TNS2: variants seen among roughly 807,000 people sequenced by gnomAD.
TNS2 encodes the protein tensin-2.
In TNS2, 77 loss-of-function variants were observed where a neutral mutation model predicts 155.7. The ratio of observed to expected loss-of-function variants is 0.49; its 90% confidence interval spans 0.41 to 0.60. The LOEUF is 0.60. Ranked by LOEUF, TNS2 falls within the 20% of genes least tolerant of loss-of-function variation. TNS2 has a pLI of 0.00. For missense variants in TNS2, 1,703 were observed against 1,868.8 expected (o/e 0.91, Z 1.64); for synonymous variants, 726 against 763.9 (o/e 0.95, Z 0.82).
chr12:53,054,094 A>G, intron 6 of TNS2, 80 bp downstream of exon 6: 1 of 1,600,082 alleles, frequency 6.2e-7, no homozygotes, highest in Non-Finnish European at 8.6e-7. Flanking sequence ...CTGCCCCGCA[A>G]CAGAGCTCCC....
Position 53,062,417 on chromosome 12 carries a change from A to G in TNS2, c.3709A>G (p.Ile1237Val). The G allele has an allele frequency of 2.5e-6, 4 of 1,613,844 alleles. No individual in the cohort carries two copies. Among genetic ancestry groups the G allele is most frequent in the Non-Finnish European group, 3.4e-6 (4 of 1,179,918 alleles). The change falls in exon 24 of 29, where the codon ATC becomes GTC. Residue 1237 changes from isoleucine to valine, a missense_variant. By Grantham distance (29) the Ile-to-Val change is conservative. Transcript: ENST00000314250. Reference protein sequence around the residue: ...ALVSQHSISPISLPCCLRIPS... With the variant: ...ALVSQHSISPVSLPCCLRIPS... ...GGTCTCCCAGCACTCCATCTCCCCC[A>G]TCTCCCTGCCCTGCTGCCTGCGCAT...
chr12:53,061,093 T>C lies in TNS2; in HGVS notation c.3187T>C (p.Tyr1063His). ...PTPAFPLAASYDTNGLSQPPL... is the reference protein window; with the variant it reads ...PTPAFPLAASHDTNGLSQPPL... ...ACCTGCTTTCCCCCTGGCTGCCTCC[T>C]ATGACACCAATGGCCTTAGCCAGCC... The change falls in exon 20 of 29, where the codon TAT (tyrosine) becomes CAT (histidine). Residue 1063 changes from tyrosine to histidine, a missense_variant. Transcript: ENST00000314250. 1 of 1,611,822 alleles carries C rather than the reference T, an allele frequency of 6.2e-7. No homozygotes were observed.
At position 53,058,922 on chromosome 12, in the gene TNS2, G is replaced by A. The variant is rs1944266279; in HGVS notation, c.1405+95G>A. The stretch of plus-strand genomic sequence containing the variant: ...AAGCACACTCCCTCCTCCCCAGGCA[G>A]AGCCCACTCCCGAGAGACACCCCCG... On this transcript the variant is annotated intron_variant, in intron 17 of 28. Coordinates refer to ENST00000314250, the MANE Select transcript of TNS2 (RefSeq NM_170754.4). 9.6e-6 allele frequency: 15 copies of A among 1,566,890 alleles called. No homozygotes were observed. The South Asian group carries it at 1.2e-4, about 13-fold the overall frequency.
At position 53,059,104 on chromosome 12, in the gene TNS2, G is replaced by A. The variant is rs138932983; in HGVS notation, c.1463G>A (p.Arg488Gln). The change falls in exon 18 of 29, where the codon CGG becomes CAG. Residue 488 changes from arginine (R) to glutamine (Q), a missense_variant. Physicochemically the swap from Arg to Gln is conservative, Grantham distance 43. Transcript: ENST00000314250. The surrounding 1 kb of genome is among the most constrained non-coding windows in gnomAD (Gnocchi z 4.7). The stretch of plus-strand genomic sequence containing the variant: ...GGCAGTCCTTATGCCCAGGTGCAGC[G>A]GCCTCCCCGGCAGACCCCCCCGGCA... ...LDGSPYAQVQ[R>Q]PPRQTPPAPS... 254 of 1,548,482 alleles carry A rather than the reference G, an allele frequency of 1.6e-4. No individual in the cohort carries two copies. In the Admixed American group the frequency reaches 2.2e-3, roughly 14 times the overall value.
rs943447535 is a variant in TNS2 at position 53,061,077 on chromosome 12, C to T, written c.3171C>T (p.Phe1057=). 4.3e-6 allele frequency: 7 copies of T among 1,612,022 alleles called. No homozygotes were observed. Among genetic ancestry groups the T allele is most frequent in the Non-Finnish European group, 5.9e-6 (7 of 1,179,140 alleles). ...EPPQSSPTPA[F]PLAASYDTNG... ...CTCAGAGCTCACCTACACCTGCTTT[C>T]CCCCTGGCTGCCTCCTATGACACCA... Residue 1057 remains phenylalanine (F), a synonymous_variant, in exon 20 of 29, where the codon TTC becomes TTT. Coordinates refer to ENST00000314250, the MANE Select transcript of TNS2 (RefSeq NM_170754.4).
At chr12:53,056,443 CTG>C (rs1339121526) in intron 10 of TNS2, 1 of 153,910 alleles carries the variant, frequency 6.5e-6, no homozygotes, top group African/African-American at 2.4e-5. Context: ...CCAAACCAAG[CTG>C]TCAGCAGGCC....
intron 10 of TNS2, among the ~76,000 whole-genome samples, chr12:53,056,674 G>T (rs138464499): frequency 2.0e-5 from 3 of 152,260 alleles, no homozygotes; most frequent in African/African-American, 7.2e-5. Context: ...CCCTCCTTCA[G>T]TATGGTCTCA....
chr12:53,058,191 G>A, intron 14 of TNS2, 89 bp downstream of exon 14: 2 of 1,609,486 alleles, frequency 1.2e-6, no homozygotes, highest in Non-Finnish European at 1.7e-6. Context: ...GAGACAGATT[G>A]GAGAGCGAGT....
rs533324165 is a variant in TNS2 at position 53,060,683 on chromosome 12, G to A, written c.2777G>A (p.Arg926Gln). The A allele has an allele frequency of 1.8e-5, 29 of 1,580,098 alleles. No homozygotes were observed. Among genetic ancestry groups the A allele is most frequent in the Admixed American group, 1.2e-4 (7 of 58,594 alleles). The change falls in exon 20 of 29, where the codon CGA becomes CAA. Residue 926 changes from arginine to glutamine, a missense_variant. Coordinates refer to ENST00000314250, the MANE Select transcript of TNS2 (RefSeq NM_170754.4). This position sits in a 1 kb window ranked among gnomAD's most constrained non-coding sequence, Gnocchi z 6.1. ...SPVQGKESTR[R>Q]QDTRSPTSAP... ...GCCCTTCCACCCTACAGCACCCGGC[G>A]ACAGGACACCAGGTCCCCCACCTCA...
rs778293917 is a variant in TNS2, at chr12:53,060,678, C to A, written c.2772C>A (p.Thr924=). 4.2e-5 allele frequency: 66 copies of A among 1,579,638 alleles called. No homozygotes were observed. The highest frequency in any genetic ancestry group is 5.4e-5 in the Non-Finnish European group (63 of 1,159,028). Residue 924 remains threonine, a synonymous_variant, in exon 20 of 29, where the codon ACC becomes ACA. Transcript: ENST00000314250. The surrounding 1 kb of genome is among the most constrained non-coding windows in gnomAD (Gnocchi z 6.1). The part of the protein sequence containing the change: ...TSSPVQGKES[T]RRQDTRSPTS... The stretch of plus-strand genomic sequence containing the variant: ...CATCTGCCCTTCCACCCTACAGCAC[C>A]CGGCGACAGGACACCAGGTCCCCCA...
rs1391743023 is a variant in TNS2 at position 53,063,475 on chromosome 12, TCCCAGC to T, written c.4062-72_4062-67del. 10 of 1,611,632 alleles carry T rather than the reference TCCCAGC, an allele frequency of 6.2e-6. No homozygotes were observed. The highest frequency in any genetic ancestry group is 3.7e-4 in the Middle Eastern group (2 of 5,440). On this transcript the variant is annotated intron_variant, in intron 27 of 28. Coordinates refer to ENST00000314250, the MANE Select transcript of TNS2 (RefSeq NM_170754.4). The surrounding 1 kb of genome is among the most constrained non-coding windows in gnomAD (Gnocchi z 5.6). The stretch of plus-strand genomic sequence containing the variant: ...CCCCATGGTCCCACCAGGTCCCAGC[TCCCAGC>T]CCCAGCCCCAGCCCCGGCCCCGGCC...
rs544046596 is a variant in TNS2 at position 53,056,620 on chromosome 12, C to T, written c.762-393C>T. Reference sequence around the variant, plus strand: ...TGTGTGTCTCTGTCTGTGTCTCTTCCTCTCTTCTTATAAGGACACCAATCA... The same window carrying T: ...TGTGTGTCTCTGTCTGTGTCTCTTCTTCTCTTCTTATAAGGACACCAATCA... On this transcript the variant is annotated intron_variant, in intron 10 of 28. Transcript: ENST00000314250. Among the ~76,000 whole-genome samples the T allele has an allele frequency of 2.0e-5, 3 of 152,290 alleles. No homozygotes were observed. The East Asian group carries it at 5.8e-4, about 29-fold the overall frequency.
chr12:53,053,660 C>T, intron 4 of TNS2, 114 bp from the exon 5 acceptor site: 2 of 1,500,318 alleles, frequency 1.3e-6, no homozygotes, highest in Non-Finnish European at 1.8e-6. Context: ...TCCCCTTATC[C>T]AGTACAGCCT....
rs369818005 is a variant in TNS2, at chr12:53,053,818, G to A, written c.300+6G>A. On this transcript the variant is annotated splice_donor_region_variant and intron_variant, in intron 5 of 28. Transcript: ENST00000314250. ...TCAGGCGCATAGAGCACCTGGTAAG[G>A]TGATGCTGGAGCAGGAGGGGGAAGC... is the stretch of plus-strand genomic sequence containing the variant. 1.9e-6 allele frequency: 3 copies of A among 1,613,316 alleles called. No individual in the cohort carries two copies. In the African/African-American group the frequency reaches 4.0e-5, roughly 22 times the overall value.
chr12:53,051,956 G>C lies in TNS2; in HGVS notation c.177G>C (p.Ser59=). 6.2e-7 allele frequency: 1 copy of C among 1,612,568 alleles called. No individual in the cohort carries two copies. The highest frequency in any genetic ancestry group is 8.5e-7 in the Non-Finnish European group (1 of 1,179,256). The change falls in exon 2 of 29, where the codon TCG becomes TCC. Residue 59 remains serine, a synonymous_variant. Coordinates refer to ENST00000314250, the MANE Select transcript of TNS2 (RefSeq NM_170754.4). The part of the protein sequence containing the change: ...CKVTIDGTGV[S]CRVCKVATHR... ...TGACCATCGATGGGACAGGCGTTTC[G>C]TGCAGAGGTGAGGCTCTCTGTCCTG...
At chr12:53,062,275 G>C in intron 23 of TNS2, 30 bp downstream of exon 23, 1 of 1,613,386 alleles carries the variant, frequency 6.2e-7, no homozygotes, top group South Asian at 1.1e-5. Flanking sequence ...GGAAGGCTAC[G>C]TTGGGTCGGT....
In TNS2 at chr12:53,055,679, C is replaced by T. The variant is rs568862039; in HGVS notation, c.685C>T (p.Leu229=). 25 of 1,614,200 alleles carry T rather than the reference C, an allele frequency of 1.5e-5. No homozygotes were observed. The African/African-American group carries it at 2.8e-4, about 18-fold the overall frequency. The part of the protein sequence containing the change: ...LSADPQHVVV[L]YCKGNKGKLG... Reference sequence around the variant, plus strand: ...TGCTGACCCACAGCACGTGGTCGTACTATACTGCAAGGTGGGCCAGGACCT... The same window carrying T: ...TGCTGACCCACAGCACGTGGTCGTATTATACTGCAAGGTGGGCCAGGACCT... Residue 229 remains leucine, a synonymous_variant, in exon 9 of 29, where the codon CTA becomes TTA. Coordinates refer to ENST00000314250, the MANE Select transcript of TNS2 (RefSeq NM_170754.4).
At position 53,059,699 on chromosome 12, in the gene TNS2, C is replaced by T. The variant is rs781704338; in HGVS notation, c.2058C>T (p.Ala686=). 3.1e-6 allele frequency: 5 copies of T among 1,613,208 alleles called. No individual in the cohort carries two copies. The highest frequency in any genetic ancestry group is 4.2e-6 in the Non-Finnish European group (5 of 1,179,938). ...TCCTGGAGGACCCTGGGCTGCCTGC[C>T]CTATACCCATGCCCAGCCTGCGAGG... The part of the protein sequence containing the change: ...VVILEDPGLP[A]LYPCPACEEK... The change falls in exon 18 of 29, where the codon GCC becomes GCT. Residue 686 remains alanine (A), a synonymous_variant. Transcript: ENST00000314250. This position sits in a 1 kb window ranked among gnomAD's most constrained non-coding sequence, Gnocchi z 4.7.
chr12:53,061,507 C>T (rs375864307), intron 21 of TNS2, 38 bp downstream of exon 21: 11 of 1,602,832 alleles, frequency 6.9e-6, no homozygotes, highest in South Asian at 1.1e-5. Context: ...CTGCATCCCA[C>T]CTTCCAGGGT....
Sources: gnomAD v4.1 joint callset for allele counts (sites outside exome capture counted in the v4.1 genomes callset) on GRCh38, gnomAD v4.1.1 for gene constraint, Gnocchi (gnomAD v3.1) non-coding constraint, MANE v1.5 for transcripts, NCBI Gene and HGNC (gene_info 2026-07-23, HGNC 2026-07-21) for gene names.